RNF207: variants seen among roughly 807,000 people sequenced by gnomAD.
RNF207 encodes the protein OTTHUMG00000001089.
In RNF207, 72 loss-of-function variants were observed where a neutral mutation model predicts 79.0. The observed-to-expected ratio is 0.91, with a 90% CI of 0.75 to 1.11. The LOEUF (loss-of-function observed/expected upper bound fraction) is 1.11, where lower values mean the gene tolerates loss of function less well. Ranked by LOEUF, RNF207 falls within the 50% of genes least tolerant of loss-of-function variation. The probability of loss-of-function intolerance (pLI) is 0.00; values close to 1 mark genes in which losing one functional copy is unlikely to be tolerated. For missense variants in RNF207, 936 were observed against 855.8 expected (o/e 1.09, Z -1.17); for synonymous variants, 348 against 366.2 (o/e 0.95, Z 0.57).
Position 6,207,382 on chromosome 1 carries a change from C to G in RNF207, c.195C>G (p.His65Gln), listed in dbSNP as rs1279101375. 1 of 1,516,590 alleles carries G rather than the reference C, an allele frequency of 6.6e-7. No homozygotes were observed. The allele number at this position is 1,516,590 out of a possible 1,614,324, so 93.9% of individuals were successfully genotyped here. The change falls in exon 3 of 18, where the codon CAC becomes CAG. Residue 65 changes from histidine to glutamine, a missense_variant. Transcript: ENST00000377939. The surrounding 1 kb of genome is among the most constrained non-coding windows in gnomAD (Gnocchi z 4.5). Reference protein sequence around the residue: ...DGRLTCPLCQHQTVLKGPSGL... With the variant: ...DGRLTCPLCQQQTVLKGPSGL... ...CGGGGCCTGGGCTTCTCTGCAGACA[C>G]CAGACGGTGCTGAAGGGTCCCAGCG...
chr1:6,206,767 C>A, intron 2 of RNF207, 41 bp downstream of exon 2: 1 of 1,549,842 alleles, frequency 6.5e-7, no homozygotes, highest in Non-Finnish European at 8.7e-7. Flanking sequence ...CAGACCCCAT[C>A]CCCCGGGCCC....
rs890697981 is a variant in RNF207 at position 6,218,253 on chromosome 1, G to T, written c.1653-36G>T. Reference sequence around the variant, plus strand: ...TTAAGGCCGTGCAGCAGCTGGCTCTGCTCCCTTGAGATTCTGGTGCCCACT... The same window carrying T: ...TTAAGGCCGTGCAGCAGCTGGCTCTTCTCCCTTGAGATTCTGGTGCCCACT... On this transcript the variant is annotated intron_variant, in intron 16 of 17. Coordinates refer to ENST00000377939, the MANE Select transcript of RNF207 (RefSeq NM_207396.3). The T allele has an allele frequency of 4.6e-6, 7 of 1,514,800 alleles. No individual in the cohort carries two copies. In the African/African-American group the frequency reaches 9.6e-5, roughly 21 times the overall value. 93.8% of individuals were successfully genotyped at this position (1,514,800 alleles called of 1,614,324 possible). A position where few individuals can be genotyped will look rare whatever the true frequency, so the allele number is the denominator to read the frequency against.
At chr1:6,208,703 C>T (rs1668015698) in intron 3 of RNF207, 178 bp from the exon 4 acceptor site, 1 of 619,936 alleles carries the variant, frequency 1.6e-6, no homozygotes, top group South Asian at 2.1e-5. Flanking sequence ...CCGCAGTGCC[C>T]TCCTCTGTAA....
In RNF207 at chr1:6,207,329, G is replaced by A. The variant is rs1667949132; in HGVS notation, c.192-50G>A. The A allele has an allele frequency of 6.7e-7, 1 of 1,493,482 alleles. No homozygotes were observed. The highest frequency in any genetic ancestry group is 2.3e-5 in the Admixed American group (1 of 43,702). The allele number at this position is 1,493,482 out of a possible 1,614,324, so 92.5% of individuals were successfully genotyped here. On this transcript the variant is annotated intron_variant, in intron 2 of 17. Transcript: ENST00000377939. This position sits in a 1 kb window ranked among gnomAD's most constrained non-coding sequence, Gnocchi z 4.5. ...CTGGAATGTGAGGGGTGGGGGTGGGGAGCCCTGGGGAAGGGGTATCAGAAT... is the reference window on the plus strand; with the variant it reads ...CTGGAATGTGAGGGGTGGGGGTGGGAAGCCCTGGGGAAGGGGTATCAGAAT...
rs551163283 is a variant in RNF207 at position 6,209,208 on chromosome 1, G to C, written c.551+12G>C. 73 of 1,551,308 alleles carry C rather than the reference G, an allele frequency of 4.7e-5. No individual in the cohort carries two copies. Among genetic ancestry groups the C allele is most frequent in the Non-Finnish European group, 6.0e-5 (69 of 1,147,298 alleles). On this transcript the variant is annotated intron_variant, in intron 5 of 17. Transcript: ENST00000377939. The stretch of plus-strand genomic sequence containing the variant: ...CGCGACATGCAGAAGTGCGTACAGG[G>C]GACGCGAGGGGAGGGGGCTGGGGGC...
At position 6,218,388 on chromosome 1, in the gene RNF207, C is replaced by G. The variant is rs1332377709; in HGVS notation, c.1733+19C>G. On this transcript the variant is annotated intron_variant, in intron 17 of 17. Transcript: ENST00000377939. ...CAGCCAGGTAAAGCAAGTCTCTCCA[C>G]TGGAGAGTGTGCACGCGATGTGGCT... 7.0e-6 allele frequency: 11 copies of G among 1,566,820 alleles called. No homozygotes were observed. Among genetic ancestry groups the G allele is most frequent in the African/African-American group, 1.4e-5 (1 of 73,648 alleles).
rs1435867696 is a variant in RNF207, at chr1:6,210,291, T to A, written c.869T>A (p.Leu290Gln). 1 of 1,613,834 alleles carries A rather than the reference T, an allele frequency of 6.2e-7. No homozygotes were observed. Reference protein sequence around the residue: ...LSHLATLLPTLQVHLVICSSF... With the variant: ...LSHLATLLPTQQVHLVICSSF... ...CACTTGGCCACCTTGCTGCCCACCC[T>A]GCAGGTACAGGGAGCTCGGGGTGCG... Residue 290 changes from leucine (L) to glutamine (Q), a missense_variant, in exon 9 of 18, where the codon CTG (leucine) becomes CAG (glutamine). Coordinates refer to ENST00000377939, the MANE Select transcript of RNF207 (RefSeq NM_207396.3).
intron 17 of RNF207, 109 bp from the exon 18 acceptor site, chr1:6,219,127 C>A (rs1423824036): frequency 2.1e-5 from 20 of 940,974 alleles, no homozygotes; most frequent in Non-Finnish European, 2.5e-5. Flanking sequence ...CTCACTGAGG[C>A]CTTCCAGGAA....
chr1:6,219,402 A>T lies in RNF207; in HGVS notation c.1900A>T (p.Thr634Ser). 1 of 1,602,214 alleles carries T rather than the reference A, an allele frequency of 6.2e-7. No homozygotes were observed. Among genetic ancestry groups the T allele is most frequent in the Non-Finnish European group, 8.5e-7 (1 of 1,173,896 alleles). Residue 634 changes from threonine to serine, a missense_variant, in exon 18 of 18, where the codon ACT becomes TCT. By Grantham distance (58) the Thr-to-Ser change is moderately conservative. Coordinates refer to ENST00000377939, the MANE Select transcript of RNF207 (RefSeq NM_207396.3). The part of the protein sequence containing the change: ...GDVPTWREHP[T>S] The stretch of plus-strand genomic sequence containing the variant: ...TGTCCCCACATGGAGGGAACACCCG[A>T]CTTAGCAAATGGGACCGGTCCCCAG...
intron 7 of RNF207, 95 bp from the exon 8 acceptor site, chr1:6,209,829 T>C (rs1668082642): frequency 7.5e-7 from 1 of 1,327,638 alleles, no homozygotes; most frequent in Admixed American, 2.3e-5. Flanking sequence ...AGATACCTAG[T>C]GTAACCAGCA....
Position 6,210,356 on chromosome 1 carries a change from A to AT in RNF207, c.874-13dup, listed in dbSNP as rs753629592. ...CCTCCCCGGCCAGGCACTGAGCAGC[A>AT]TCCCCTCCCCCAGGTCCACCTGGTC... On this transcript the variant is annotated splice_polypyrimidine_tract_variant and intron_variant, in intron 9 of 17. Transcript: ENST00000377939. The AT allele has an allele frequency of 6.2e-7, 1 of 1,613,306 alleles. No individual in the cohort carries two copies. Among genetic ancestry groups the AT allele is most frequent in the Non-Finnish European group, 8.5e-7 (1 of 1,179,648 alleles).
At position 6,212,077 on chromosome 1, in the gene RNF207, A is replaced by C. The variant is rs709208; in HGVS notation, c.1296+24A>C. The C allele has an allele frequency of 5.5e-4, 813 of 1,470,010 alleles. 5 individuals carry two copies. The African/African-American group carries it at 0.01, about 19-fold the overall frequency. The allele number at this position is 1,470,010 out of a possible 1,614,324, so 91.1% of individuals were successfully genotyped here. ...GGGTGAGGGGGCAGGGATCTGCCGG[A>C]GGGGGGAGATGTCCTAACCCACTCC... On this transcript the variant is annotated intron_variant, in intron 13 of 17. Coordinates refer to ENST00000377939, the MANE Select transcript of RNF207 (RefSeq NM_207396.3).
Position 6,218,214 on chromosome 1 carries a change from T to C in RNF207, c.1653-75T>C, listed in dbSNP as rs1052931763. On this transcript the variant is annotated intron_variant, in intron 16 of 17. Coordinates refer to ENST00000377939, the MANE Select transcript of RNF207 (RefSeq NM_207396.3). ...CATGAGTGGTGGCAGAGTCTGGTTC[T>C]GAGGTTTCTGAGCTTAAGGCCGTGC... 7 of 976,556 alleles carry C rather than the reference T, an allele frequency of 7.2e-6. No individual in the cohort carries two copies. The African/African-American group carries it at 9.7e-5, about 13-fold the overall frequency. The allele number at this position is 976,556 out of a possible 1,614,324, so 60.5% of individuals were successfully genotyped here.
At position 6,211,050 on chromosome 1, in the gene RNF207, G is replaced by A. The variant is rs532306776; in HGVS notation, c.1041G>A (p.Ala347=). The change falls in exon 12 of 18, where the codon GCG becomes GCA. Residue 347 remains alanine, a synonymous_variant. Transcript: ENST00000377939. This position sits in a 1 kb window ranked among gnomAD's most constrained non-coding sequence, Gnocchi z 4.2. Reference sequence around the variant, plus strand: ...CCAGTGACCACCGAGCTGAATTCGCGCGCTGTCTGGAGCCACTGCTGCTGC... The same window carrying A: ...CCAGTGACCACCGAGCTGAATTCGCACGCTGTCTGGAGCCACTGCTGCTGC... ...KIASDHRAEF[A]RCLEPLLLLG... 2.0e-5 allele frequency: 32 copies of A among 1,609,012 alleles called. No individual in the cohort carries two copies. Among genetic ancestry groups the A allele is most frequent in the South Asian group, 9.9e-5 (9 of 90,620 alleles).
chr1:6,207,331 G>T lies in RNF207; in HGVS notation c.192-48G>T. 6.7e-7 allele frequency: 1 copy of T among 1,496,762 alleles called. No individual in the cohort carries two copies. The highest frequency in any genetic ancestry group is 8.9e-7 in the Non-Finnish European group (1 of 1,122,774). 92.7% of individuals were successfully genotyped at this position (1,496,762 alleles called of 1,614,324 possible). The stretch of plus-strand genomic sequence containing the variant: ...GGAATGTGAGGGGTGGGGGTGGGGA[G>T]CCCTGGGGAAGGGGTATCAGAATCT... On this transcript the variant is annotated intron_variant, in intron 2 of 17. Coordinates refer to ENST00000377939, the MANE Select transcript of RNF207 (RefSeq NM_207396.3). The surrounding 1 kb of genome is among the most constrained non-coding windows in gnomAD (Gnocchi z 4.5).
In RNF207 at chr1:6,206,640, G is replaced by GT; in HGVS notation, c.106dup (p.Cys36LeufsTer67). ...TGTGCCACGTGCAGTACGAGCGCCCGTGTCTTCTGGACTGTTTCCACGACT... is the reference window on the plus strand; with the variant it reads ...TGTGCCACGTGCAGTACGAGCGCCCGTTGTCTTCTGGACTGTTTCCACGACT... On this transcript the variant is annotated frameshift_variant, in exon 2 of 18. Transcript: ENST00000377939. LOFTEE classifies it high-confidence loss of function. The GT allele has an allele frequency of 6.2e-7, 1 of 1,608,208 alleles. No individual in the cohort carries two copies. The highest frequency in any genetic ancestry group is 8.5e-7 in the Non-Finnish European group (1 of 1,179,858).
rs759175257 is a variant in RNF207 at position 6,212,329 on chromosome 1, A to C, written c.1395A>C (p.Gly465=). The C allele has an allele frequency of 8.1e-6, 13 of 1,613,734 alleles. No individual in the cohort carries two copies. The highest frequency in any genetic ancestry group is 5.3e-5 in the African/African-American group (4 of 74,842). ...CGCTCATCAAGGCGGAGATCATGGG[A>C]GACGTCCTGCACAAGTCCCTGCAAC... is the stretch of plus-strand genomic sequence containing the variant. ...HHSLIKAEIM[G]DVLHKSLQLD... Residue 465 remains glycine, a synonymous_variant, in exon 14 of 18, where the codon GGA becomes GGC. Coordinates refer to ENST00000377939, the MANE Select transcript of RNF207 (RefSeq NM_207396.3).
chr1:6,218,772 G>A (rs1024303576), intron 17 of RNF207, among the ~76,000 whole-genome samples: 10 of 152,144 alleles, frequency 6.6e-5, no homozygotes, highest in South Asian at 2.1e-4. Context: ...TAACACCTAC[G>A]ACACAGTCAC....
At chr1:6,210,189 G>C in intron 8 of RNF207, 34 bp from the exon 9 acceptor site, 3 of 1,579,216 alleles carry the variant, frequency 1.9e-6, no homozygotes, top group East Asian at 4.5e-5. Flanking sequence ...CCTGCTCCTG[G>C]CCCCCTGGAA....
Sources: gnomAD v4.1 joint callset for allele counts (sites outside exome capture counted in the v4.1 genomes callset) on GRCh38, gnomAD v4.1.1 for gene constraint, Gnocchi (gnomAD v3.1) non-coding constraint, MANE v1.5 for transcripts, NCBI Gene and HGNC (gene_info 2026-07-23, HGNC 2026-07-21) for gene names.